CFAP77: variants seen among roughly 807,000 people sequenced by gnomAD.
CFAP77 encodes the protein cilia- and flagella-associated protein 77.
A neutral mutation model predicts 31.1 loss-of-function variants in CFAP77; 25 were observed. The observed-to-expected ratio is 0.80, with a 90% confidence interval of 0.59 to 1.12. The LOEUF is 1.12. Among genes scored for constraint, CFAP77 ranks in the 50% most tolerant of loss-of-function variants. CFAP77 has a pLI of 0.00. For synonymous variants in CFAP77, 151 were observed against 159.9 expected (o/e 0.94, Z 0.42); for missense variants, 377 against 397.3 (o/e 0.95, Z 0.44).
rs1280513150 is a variant in CFAP77 at position 132,499,304 on chromosome 9, C to T, written c.296-68C>T. ...GGACCCGCGTGCCCCCATTTCTTCT[C>T]GATCAGCTGCCTCAGGGTGCTTACT... On this transcript the variant is annotated intron_variant, in intron 2 of 5. Transcript: ENST00000393216. This position sits in a 1 kb window ranked among gnomAD's most constrained non-coding sequence, Gnocchi z 5.4. 50 of 1,442,258 alleles carry T rather than the reference C, an allele frequency of 3.5e-5. No individual in the cohort carries two copies. Among genetic ancestry groups the T allele is most frequent in the Admixed American group, 8.7e-5 (5 of 57,280 alleles). The allele number at this position is 1,442,258 out of a possible 1,614,324, so 89.3% of individuals were successfully genotyped here.
intron 3 of CFAP77, among the ~76,000 whole-genome samples, chr9:132,521,778 T>TTTTGTTTTTTTTG (rs1554747338): frequency 1.9e-5 from 2 of 106,118 alleles, no homozygotes; most frequent in Admixed American, 2.3e-4. Context: ...TTTTTTTTTT[T>TTTTGTTTTTTTTG]TTTTTTGAGA....
chr9:132,452,329 T>G (rs894551511), intron 1 of CFAP77, among the ~76,000 whole-genome samples: 3 of 152,194 alleles, frequency 2.0e-5, no homozygotes, highest in African/African-American at 7.2e-5. Context: ...GAGAACATTC[T>G]TACAGCAGCC....
intron 5 of CFAP77, among the ~76,000 whole-genome samples, chr9:132,563,783 C>T (rs958162140): frequency 6.6e-6 from 1 of 152,184 alleles, no homozygotes; most frequent in Non-Finnish European, 1.5e-5. Flanking sequence ...GACTCCTTCC[C>T]GTTATTACCA....
At chr9:132,540,234 G>T (rs1852617297) in intron 4 of CFAP77, among the ~76,000 whole-genome samples, 1 of 152,116 alleles carries the variant, frequency 6.6e-6, no homozygotes, top group East Asian at 1.9e-4. Context: ...CAGGCTTAGA[G>T]CTGGGAGTTT....
intron 1 of CFAP77, among the ~76,000 whole-genome samples, chr9:132,427,810 A>T (rs1850342469): frequency 6.6e-6 from 1 of 152,144 alleles, no homozygotes; most frequent in African/African-American, 2.4e-5. Context: ...TTTTATAGGG[A>T]CAACTGTCTC....
At chr9:132,475,003 G>A (rs547503254) in intron 1 of CFAP77, among the ~76,000 whole-genome samples, 2 of 152,304 alleles carry the variant, frequency 1.3e-5, no homozygotes, top group African/African-American at 2.4e-5. Flanking sequence ...TCTGGGGTGT[G>A]GAAGAGAAAG....
At chr9:132,548,796 C>T (rs1852778076) in intron 5 of CFAP77, among the ~76,000 whole-genome samples, 1 of 151,334 alleles carries the variant, frequency 6.6e-6, no homozygotes, top group Admixed American at 6.6e-5. Flanking sequence ...CGTTCAGTCA[C>T]TAAAGTATGA....
At chr9:132,471,806 T>C (rs949768529) in intron 1 of CFAP77, among the ~76,000 whole-genome samples, 2 of 152,110 alleles carry the variant, frequency 1.3e-5, no homozygotes, top group South Asian at 4.1e-4. Context: ...GCTCAAGCTA[T>C]CCTCCCACCT....
At chr9:132,459,896 G>A (rs1293949658) in intron 1 of CFAP77, among the ~76,000 whole-genome samples, 1 of 151,704 alleles carries the variant, frequency 6.6e-6, no homozygotes, top group Non-Finnish European at 1.5e-5. Flanking sequence ...GGGTGTGAGT[G>A]TGTTAGTGTG....
At position 132,490,634 on chromosome 9, in the gene CFAP77, G is replaced by A. The variant is rs184181153; in HGVS notation, c.196-8061G>A. ...CCGCTCCCTGCTCTAAGTCCCCTTG[G>A]CCCTCTTACCCTCCCTGGCTACTCC... On this transcript the variant is annotated intron_variant, in intron 1 of 5. Transcript: ENST00000393216. The surrounding 1 kb of genome is among the most constrained non-coding windows in gnomAD (Gnocchi z 4.6). Among the ~76,000 whole-genome samples the A allele has an allele frequency of 2.4e-3, 365 of 152,168 alleles. No homozygotes were observed. The highest frequency in any genetic ancestry group is 8.4e-3 in the African/African-American group (347 of 41,512).
intron 3 of CFAP77, among the ~76,000 whole-genome samples, chr9:132,502,113 C>T (rs1300980567): frequency 6.6e-6 from 1 of 152,182 alleles, no homozygotes; most frequent in African/African-American, 2.4e-5. Flanking sequence ...ACTGACAAAG[C>T]CAACATCTCA....
rs201093985 is a variant in CFAP77, at chr9:132,499,036, T to G, written c.295+242T>G. Among the ~76,000 whole-genome samples, 1 of 149,034 alleles carries G rather than the reference T, an allele frequency of 6.7e-6. No homozygotes were observed. Among genetic ancestry groups the G allele is most frequent in the African/African-American group, 2.5e-5 (1 of 39,352 alleles). On this transcript the variant is annotated intron_variant, in intron 2 of 5. Transcript: ENST00000393216. The surrounding 1 kb of genome is among the most constrained non-coding windows in gnomAD (Gnocchi z 5.4). ...CATGGGTATCCCCGCACCGCCCCCC[T>G]TCCCCGCCGCCGGCAGGGACTGTGT... is the stretch of plus-strand genomic sequence containing the variant.
chr9:132,561,662 C>CACACACACA (rs1564253362), intron 5 of CFAP77, among the ~76,000 whole-genome samples: 1 of 50,144 alleles, frequency 2.0e-5, no homozygotes, highest in Non-Finnish European at 4.0e-5. Context: ...CACACACACA[C>CACACACACA]CCCCTCCATG....
At chr9:132,411,316 C>G (rs532568901) in intron 1 of CFAP77, among the ~76,000 whole-genome samples, 1 of 152,236 alleles carries the variant, frequency 6.6e-6, no homozygotes, top group Non-Finnish European at 1.5e-5. Context: ...AGGTGGTAAC[C>G]GTGGATTCAA....
rs570454102 is a variant in CFAP77, at chr9:132,498,090, A to T, written c.196-605A>T. Among the ~76,000 whole-genome samples, 8 of 152,178 alleles carry T rather than the reference A, an allele frequency of 5.3e-5. No homozygotes were observed. The highest frequency in any genetic ancestry group is 1.9e-4 in the African/African-American group (8 of 41,512). Reference sequence around the variant, plus strand: ...ATGACAGGGCAATTTCATTTGCACAAACCACCTCTGAGAGGCCAAGGAGTT... The same window carrying T: ...ATGACAGGGCAATTTCATTTGCACATACCACCTCTGAGAGGCCAAGGAGTT... On this transcript the variant is annotated intron_variant, in intron 1 of 5. Transcript: ENST00000393216. The surrounding 1 kb of genome is among the most constrained non-coding windows in gnomAD (Gnocchi z 4.2).
intron 1 of CFAP77, among the ~76,000 whole-genome samples, chr9:132,434,873 G>A (rs1345984416): frequency 6.6e-6 from 1 of 152,204 alleles, no homozygotes; most frequent in Non-Finnish European, 1.5e-5. Flanking sequence ...TCTGTCAGAT[G>A]CACGCTCTGC....
At position 132,432,783 on chromosome 9, in the gene CFAP77, G is replaced by A. The variant is rs552175258; in HGVS notation, c.195+22317G>A. Among the ~76,000 whole-genome samples the A allele has an allele frequency of 2.2e-3, 321 of 144,762 alleles. 2 individuals carry two copies. The highest frequency in any genetic ancestry group is 7.8e-3 in the African/African-American group (303 of 39,002). The allele number at this position is 144,762 out of a possible 152,430, so 95.0% of individuals were successfully genotyped here. A position where few individuals can be genotyped will look rare whatever the true frequency, so the allele number is the denominator to read the frequency against. On this transcript the variant is annotated intron_variant, in intron 1 of 5. Coordinates refer to ENST00000393216, the MANE Select transcript of CFAP77 (RefSeq NM_001282957.2). ...GGCTGGAGTGCAGTGGCGCGATCTCGGCTCACTGCAAGCTCTGCCTCCCGG... is the reference window on the plus strand; with the variant it reads ...GGCTGGAGTGCAGTGGCGCGATCTCAGCTCACTGCAAGCTCTGCCTCCCGG...
chr9:132,472,559 C>A (rs1054733424), intron 1 of CFAP77, among the ~76,000 whole-genome samples: 11 of 152,190 alleles, frequency 7.2e-5, no homozygotes, highest in African/African-American at 2.7e-4. Context: ...GATTTCAAAA[C>A]CAGCCTGGGC....
intron 3 of CFAP77, among the ~76,000 whole-genome samples, chr9:132,534,755 A>G (rs1852517350): frequency 1.3e-5 from 2 of 152,196 alleles, no homozygotes; most frequent in Admixed American, 1.3e-4. Flanking sequence ...CAAACTGCAC[A>G]AGGAGGTTTT....
Sources: allele counts gnomAD v4.1 joint callset (sites outside exome capture counted in the v4.1 genomes callset), GRCh38; gene constraint gnomAD v4.1.1; non-coding constraint Gnocchi (gnomAD v3.1); transcripts MANE v1.5; gene names NCBI Gene and HGNC (gene_info 2026-07-23, HGNC 2026-07-21).